The following TRIM51 variants were observed in gnomAD, a reference collection of about 807,000 sequenced individuals.
The protein encoded by TRIM51 is tripartite motif-containing protein 51.
In TRIM51, 23 loss-of-function variants were observed where a neutral mutation model predicts 32.7. That is an observed-to-expected ratio of 0.70 (90% CI 0.51 to 1.00). The LOEUF is 1.00. Among genes scored for constraint, TRIM51 ranks in the 50% least tolerant of loss-of-function variants. The probability of loss-of-function intolerance (pLI) is 0.00; values close to 1 mark genes in which losing one functional copy is unlikely to be tolerated. For missense variants in TRIM51, 592 were observed against 539.2 expected (o/e 1.10, Z -0.97); for synonymous variants, 177 against 181.9 (o/e 0.97, Z 0.22).
rs1854650943 is a variant in TRIM51, at chr11:55,891,551, T to C, written c.1278T>C (p.Asp426=). Residue 426 remains aspartate, a synonymous_variant, in exon 7 of 7, where the codon GAT becomes GAC. Transcript: ENST00000449290. ...GAACCGTGAGCTTTGTTGATGTTGA[T>C]CAAAGTTCCCTGATATACACCATCC... is the stretch of plus-strand genomic sequence containing the variant. ...EGRTVSFVDV[D]QSSLIYTIPN... is the part of the protein sequence containing the mutation. 1 of 1,613,604 alleles carries C rather than the reference T, an allele frequency of 6.2e-7. No homozygotes were observed.
Position 55,888,212 on chromosome 11 carries a change from T to C in TRIM51, c.688T>C (p.Tyr230His), listed in dbSNP as rs1317086665. The C allele has an allele frequency of 6.2e-7, 1 of 1,613,546 alleles. No homozygotes were observed. Among genetic ancestry groups the C allele is most frequent in the Admixed American group, 1.7e-5 (1 of 59,990 alleles). Residue 230 changes from tyrosine (Y) to histidine (H), a missense_variant, in exon 4 of 7, where the codon TAT becomes CAT. Tyr to His is a moderately conservative substitution (Grantham distance 83). Coordinates refer to ENST00000449290, the MANE Select transcript of TRIM51 (RefSeq NM_032681.4). ...TTCCAGGGAGCTTTTAAGAGGAATG[T>C]ATGAGGATCTGAAGCAAATGTGCCA... ...EHSRELLRGMYEDLKQMCHKA... is the reference protein window; with the variant it reads ...EHSRELLRGMHEDLKQMCHKA...
At chr11:55,889,523 G>T (rs940451465) in intron 5 of TRIM51, among the ~76,000 whole-genome samples, 13 of 152,050 alleles carry the variant, frequency 8.5e-5, no homozygotes, top group African/African-American at 3.1e-4. Context: ...ACTACAAAAG[G>T]CAGATCTCCC....
At position 55,888,126 on chromosome 11, in the gene TRIM51, T is replaced by G. The variant is rs1854600662; in HGVS notation, c.602T>G (p.Leu201Arg). The G allele has an allele frequency of 6.2e-7, 1 of 1,613,578 alleles. No individual in the cohort carries two copies. Residue 201 changes from leucine to arginine, a missense_variant, in exon 4 of 7, where the codon CTG becomes CGG. Transcript: ENST00000449290. ...HEEEQHHLER[L>R]RKEGEDIFQQ... ...GAAGAGCAACATCACTTGGAAAGGC[T>G]GCGAAAGGAGGGCGAGGACATTTTT...
intron 4 of TRIM51, among the ~76,000 whole-genome samples, chr11:55,888,496 C>T (rs1375446605): frequency 2.0e-5 from 3 of 152,194 alleles, no homozygotes; most frequent in Non-Finnish European, 4.4e-5. Flanking sequence ...GCTAAGGTAA[C>T]AGACAGCACC....
In TRIM51 at chr11:55,889,940, A is replaced by G. The variant is rs1186542514; in HGVS notation, c.762-2A>G. On this transcript the variant is annotated splice_acceptor_variant, in intron 5 of 6. Transcript: ENST00000449290. LOFTEE classifies it high-confidence loss of function. ...GTGATAACCCTATCTTTCCCCTTGC[A>G]GGTATGAGTCTCTGCTGCTGCAAGT... The G allele has an allele frequency of 2.5e-6, 4 of 1,611,066 alleles. No homozygotes were observed. The Admixed American group carries it at 6.7e-5, about 27-fold the overall frequency.
chr11:55,887,615 G>A (rs1218741671), intron 3 of TRIM51, among the ~76,000 whole-genome samples: 3 of 152,090 alleles, frequency 2.0e-5, no homozygotes, highest in Admixed American at 6.6e-5. Context: ...AATGCATTGA[G>A]TTGACAATGC....
At chr11:55,888,845 A>G (rs1854610533) in intron 4 of TRIM51, 134 bp from the exon 5 acceptor site, 6 of 810,588 alleles carry the variant, frequency 7.4e-6, no homozygotes, top group Non-Finnish European at 1.3e-5. Flanking sequence ...GAAAAGAAAC[A>G]GAAAATGCTT....
chr11:55,883,482 T>A (rs1231456726), intron 1 of TRIM51, 98 bp downstream of exon 1: 3 of 152,200 alleles, frequency 2.0e-5, no homozygotes, highest in Non-Finnish European at 4.4e-5. Flanking sequence ...TACCGAATGA[T>A]CTTATTTGTA....
chr11:55,888,657 G>A (rs937832853), intron 4 of TRIM51, among the ~76,000 whole-genome samples: 15 of 152,024 alleles, frequency 9.9e-5, no homozygotes, highest in African/African-American at 3.6e-4. Context: ...ATTATTTTGG[G>A]GTCCACTCAT....
At chr11:55,887,047 A>C (rs1012833230) in intron 3 of TRIM51, among the ~76,000 whole-genome samples, 3 of 152,098 alleles carry the variant, frequency 2.0e-5, no homozygotes, top group Non-Finnish European at 4.4e-5. Context: ...GTCACCATGC[A>C]GATATGTGAA....
chr11:55,887,273 A>G (rs1470301594), intron 3 of TRIM51, among the ~76,000 whole-genome samples: 1 of 151,592 alleles, frequency 6.6e-6, no homozygotes, highest in East Asian at 1.9e-4. Context: ...TCATAAATAT[A>G]TGAATATATA....
intron 6 of TRIM51, among the ~76,000 whole-genome samples, chr11:55,890,578 T>C (rs1419694237): frequency 6.6e-6 from 1 of 152,188 alleles, no homozygotes; most frequent in Admixed American, 6.5e-5. Flanking sequence ...AGTTACAACA[T>C]GAAGAGCTAG....
At position 55,891,616 on chromosome 11, in the gene TRIM51, G is replaced by A. The variant is rs1854652123; in HGVS notation, c.1343G>A (p.Cys448Tyr). 3.1e-6 allele frequency: 5 copies of A among 1,613,246 alleles called. No homozygotes were observed. In the African/African-American group the frequency reaches 4.0e-5, roughly 13 times the overall value. ...SFSPPLRPIFCCSHF is the reference protein window; with the variant it reads ...SFSPPLRPIFYCSHF ...TCACCTCCTCTCAGGCCTATCTTTT[G>A]CTGTAGTCACTTCTGACCAGAGAAA... Residue 448 changes from cysteine (C) to tyrosine (Y), a missense_variant, in exon 7 of 7, where the codon TGC becomes TAC. Cys to Tyr is a radical substitution (Grantham distance 194, BLOSUM62 -2). Transcript: ENST00000449290.
chr11:55,884,157 C>CTATAACTATATATATATATATATATA (rs763667977), intron 1 of TRIM51, among the ~76,000 whole-genome samples: 11 of 61,536 alleles, frequency 1.8e-4, no homozygotes, highest in African/African-American at 5.3e-4. Context: ...ATAACTATAA[C>CTATAACTATATATATATATATATATA]TATATATATA....
intron 6 of TRIM51, among the ~76,000 whole-genome samples, 176 bp downstream of exon 6, chr11:55,890,215 G>C (rs1410242462): frequency 6.6e-6 from 1 of 152,142 alleles, no homozygotes; most frequent in African/African-American, 2.4e-5. Context: ...ATAACATGAA[G>C]AGTACAACAT....
chr11:55,887,108 G>T (rs1360867345), intron 3 of TRIM51, among the ~76,000 whole-genome samples: 1 of 151,928 alleles, frequency 6.6e-6, no homozygotes, highest in Non-Finnish European at 1.5e-5. Context: ...AATCAAGCAG[G>T]AAAGTAGAAA....
rs899152780 is a variant in TRIM51, at chr11:55,888,118, G to A, written c.594G>A (p.Leu198=). ...AFLHEEEQHH[L]ERLRKEGEDI... is the part of the protein sequence containing the mutation. ...TCCATGAAGAAGAGCAACATCACTTGGAAAGGCTGCGAAAGGAGGGCGAGG... is the reference window on the plus strand; with the variant it reads ...TCCATGAAGAAGAGCAACATCACTTAGAAAGGCTGCGAAAGGAGGGCGAGG... The change falls in exon 4 of 7, where the codon TTG becomes TTA. Residue 198 remains leucine, a synonymous_variant. Transcript: ENST00000449290. 1 of 1,613,560 alleles carries A rather than the reference G, an allele frequency of 6.2e-7. No individual in the cohort carries two copies. The highest frequency in any genetic ancestry group is 8.5e-7 in the Non-Finnish European group (1 of 1,179,688).
chr11:55,888,772 T>G (rs1017310288), intron 4 of TRIM51, among the ~76,000 whole-genome samples: 15 of 152,160 alleles, frequency 9.9e-5, no homozygotes, highest in African/African-American at 3.6e-4. Flanking sequence ...AGAGAATGTC[T>G]TCAAGACTTA....
chr11:55,886,003 A>G (rs1275127053), intron 2 of TRIM51, 120 bp from the exon 3 acceptor site: 3 of 1,477,390 alleles, frequency 2.0e-6, no homozygotes, highest in African/African-American at 1.4e-5. Context: ...ATGAGGAGAA[A>G]CAAAGCAAAC....
Sources: allele counts gnomAD v4.1 joint callset (sites outside exome capture counted in the v4.1 genomes callset), GRCh38; gene constraint gnomAD v4.1.1; transcripts MANE v1.5; gene names NCBI Gene and HGNC (gene_info 2026-07-23, HGNC 2026-07-21).